Variants in FUT8 observed in about 807,000 individuals in gnomAD.
FUT8 encodes the protein fucosyltransferase 8.
In FUT8, 29 loss-of-function variants were observed where a neutral mutation model predicts 71.3. That is an observed-to-expected ratio of 0.41 (90% CI 0.30 to 0.55). The LOEUF is 0.55. Among genes scored for constraint, FUT8 ranks in the 20% least tolerant of loss-of-function variants. FUT8 has a pLI of 0.34. For synonymous variants in FUT8, 254 were observed against 239.3 expected, an observed-to-expected ratio of 1.06 and a Z score of -0.57; for missense variants, 544 against 702.1, an observed-to-expected ratio of 0.77 and a Z score of 2.55.
chr14:65,684,698 TG>T (rs1893193908), intron 7 of FUT8, among the ~76,000 whole-genome samples: 1 of 152,176 alleles, frequency 6.6e-6, no homozygotes, highest in Non-Finnish European at 1.5e-5. Context: ...ATGCTGTTCT[TG>T]GTGAGTTCTC....
intron 7 of FUT8, among the ~76,000 whole-genome samples, chr14:65,698,739 T>G (rs1448294387): frequency 6.6e-6 from 1 of 152,182 alleles, no homozygotes; most frequent in Non-Finnish European, 1.5e-5. Context: ...TATAGCAAAC[T>G]GTGGGATCCC....
intron 6 of FUT8, among the ~76,000 whole-genome samples, chr14:65,649,084 A>T (rs939567766): frequency 6.6e-6 from 1 of 152,196 alleles, no homozygotes; most frequent in Non-Finnish European, 1.5e-5. Context: ...TTTCATTGGT[A>T]TAAACATTGT....
chr14:65,664,987 T>C (rs912534853), intron 6 of FUT8, among the ~76,000 whole-genome samples: 7 of 152,078 alleles, frequency 4.6e-5, no homozygotes, highest in African/African-American at 1.7e-4. Context: ...AAAAAGAAAT[T>C]ATCATGTTAG....
Position 65,669,353 on chromosome 14 carries a change from C to A in FUT8, c.708C>A (p.Gly236=). The change falls in exon 7 of 11, where the codon GGC becomes GGA. Residue 236 remains glycine (G), a synonymous_variant. Transcript: ENST00000673929. The surrounding 1 kb of genome is among the most constrained non-coding windows in gnomAD (Gnocchi z 4.5). The stretch of plus-strand genomic sequence containing the variant: ...TCTACTGCTTCATGATTGCATATGG[C>A]ACCCAGCGAACACTCATCTTGGAAT... ...HVVYCFMIAY[G]TQRTLILESQ... is the part of the protein sequence containing the mutation. The A allele has an allele frequency of 6.2e-7, 1 of 1,613,822 alleles. No individual in the cohort carries two copies. Among genetic ancestry groups the A allele is most frequent in the Non-Finnish European group, 8.5e-7 (1 of 1,179,846 alleles).
rs1209111239 is a variant in FUT8 at position 65,413,532 on chromosome 14, AAGG to A, written c.-326+321_-326+323del. 4.6e-5 allele frequency among the ~76,000 whole-genome samples: 7 copies of A among 150,922 alleles called. No individual in the cohort carries two copies. Among genetic ancestry groups the A allele is most frequent in the African/African-American group, 1.7e-4 (7 of 41,230 alleles). On this transcript the variant is annotated intron_variant, in intron 1 of 10. Coordinates refer to ENST00000673929, the MANE Select transcript of FUT8 (RefSeq NM_001371533.1). The surrounding 1 kb of genome is among the most constrained non-coding windows in gnomAD (Gnocchi z 4.1). ...CTAGGGCAGGGGCCAAAGCCTAGGGAAGGAGAAGGGTTGGGGGCGGGGGTGGGA... is the reference window on the plus strand; with the variant it reads ...CTAGGGCAGGGGCCAAAGCCTAGGGAAGAAGGGTTGGGGGCGGGGGTGGGA...
chr14:65,419,600 A>G (rs1292779085), intron 1 of FUT8, among the ~76,000 whole-genome samples: 1 of 152,222 alleles, frequency 6.6e-6, no homozygotes, highest in African/African-American at 2.4e-5. Flanking sequence ...CTGAATAACT[A>G]CTTGATTCAT....
chr14:65,540,124 G>T (rs1425814077), intron 2 of FUT8, among the ~76,000 whole-genome samples: 1 of 152,182 alleles, frequency 6.6e-6, no homozygotes, highest in African/African-American at 2.4e-5. Context: ...GACACCAGCT[G>T]TATTATATTA....
chr14:65,703,057 T>C (rs972932792), intron 7 of FUT8, among the ~76,000 whole-genome samples: 19 of 152,168 alleles, frequency 1.2e-4, no homozygotes, highest in Non-Finnish European at 2.1e-4. Context: ...GGGTAGAAAA[T>C]TTTAAGTAAC....
intron 3 of FUT8, among the ~76,000 whole-genome samples, chr14:65,585,682 T>C (rs1887344584): frequency 6.6e-6 from 1 of 152,236 alleles, no homozygotes; most frequent in South Asian, 2.1e-4. Flanking sequence ...ATATAAATGC[T>C]TTTTCATAAA....
chr14:65,546,761 A>G (rs1016143468), intron 2 of FUT8, among the ~76,000 whole-genome samples: 5 of 151,330 alleles, frequency 3.3e-5, no homozygotes, highest in African/African-American at 1.2e-4. Flanking sequence ...TTCTTTTTCC[A>G]TTTTCTAGAA....
chr14:65,364,988 A>C, the FUT8 span, among the ~76,000 whole-genome samples: 1 of 152,174 alleles, frequency 6.6e-6, no homozygotes, highest in Non-Finnish European at 1.5e-5. Flanking sequence ...CATCCCAGGT[A>C]CAGTGTGTAC....
At chr14:65,694,713 A>G (rs1424398366) in intron 7 of FUT8, among the ~76,000 whole-genome samples, 1 of 152,136 alleles carries the variant, frequency 6.6e-6, no homozygotes, top group African/African-American at 2.4e-5. Flanking sequence ...CTATGCAGCC[A>G]TAAAAAATGA....
intron 3 of FUT8, among the ~76,000 whole-genome samples, chr14:65,582,028 A>G (rs186316977): frequency 5.3e-4 from 81 of 152,304 alleles, no homozygotes; most frequent in Non-Finnish European, 8.7e-4. Context: ...TATAACTGTA[A>G]GTCATGGTGT....
In FUT8 at chr14:65,611,216, C is replaced by T. The variant is rs1358828968; in HGVS notation, c.204-4762C>T. ...ACACACACGCGCGCGCGCGCGCGCG[C>T]GCGCGCGCACACACACACACACACA... is the stretch of plus-strand genomic sequence containing the variant. On this transcript the variant is annotated intron_variant, in intron 3 of 10. Coordinates refer to ENST00000673929, the MANE Select transcript of FUT8 (RefSeq NM_001371533.1). 1.1e-3 allele frequency among the ~76,000 whole-genome samples: 9 copies of T among 8,428 alleles called. 1 individual carries two copies. The highest frequency in any genetic ancestry group is 6.8e-3 in the Admixed American group (2 of 294). The allele number at this position is 8,428 out of a possible 152,430, so 5.5% of individuals were successfully genotyped here. A position where few individuals can be genotyped will look rare whatever the true frequency, so the allele number is the denominator to read the frequency against.
At chr14:65,634,009 G>C (rs1448033915) in intron 6 of FUT8, among the ~76,000 whole-genome samples, 9 of 149,002 alleles carry the variant, frequency 6.0e-5, no homozygotes, top group South Asian at 4.3e-4. Context: ...CCCGGCCACC[G>C]CTACTGGGAA....
intron 3 of FUT8, among the ~76,000 whole-genome samples, chr14:65,580,390 G>A (rs1241216673): frequency 4.6e-5 from 7 of 151,192 alleles, no homozygotes; most frequent in East Asian, 1.9e-4. Context: ...TTATATATGC[G>A]GTCCATTGTT....
chr14:65,653,154 A>G (rs182101925), intron 6 of FUT8, among the ~76,000 whole-genome samples: 79 of 152,310 alleles, frequency 5.2e-4, no homozygotes, highest in Middle Eastern at 3.4e-3. Flanking sequence ...GAGGAGAGGT[A>G]GAGATCTCCT....
chr14:65,498,155 TTA>T (rs1192751536), intron 2 of FUT8, among the ~76,000 whole-genome samples: 1 of 152,190 alleles, frequency 6.6e-6, no homozygotes, highest in East Asian at 1.9e-4. Flanking sequence ...CTTTTGAGTT[TTA>T]TCTTTGCCTT....
chr14:65,603,114 G>C lies in FUT8; in HGVS notation c.204-12864G>C, dbSNP rs1168884380. ...TTTTCTAGATTTTTTTATAGTTTCA[G>C]GTCTTAGATTTAAGTCCTTGATCCA... On this transcript the variant is annotated intron_variant, in intron 3 of 10. Transcript: ENST00000673929. This position sits in a 1 kb window ranked among gnomAD's most constrained non-coding sequence, Gnocchi z 4.5. Among the ~76,000 whole-genome samples, 2 of 151,872 alleles carry C rather than the reference G, an allele frequency of 1.3e-5. No individual in the cohort carries two copies. The highest frequency in any genetic ancestry group is 2.9e-5 in the Non-Finnish European group (2 of 67,924).
Sources: gnomAD v4.1 joint callset for allele counts (sites outside exome capture counted in the v4.1 genomes callset) on GRCh38, gnomAD v4.1.1 for gene constraint, Gnocchi (gnomAD v3.1) non-coding constraint, MANE v1.5 for transcripts, NCBI Gene and HGNC (gene_info 2026-07-23, HGNC 2026-07-21) for gene names.